Variants in NCOA1 observed in about 807,000 individuals in gnomAD.
The protein encoded by NCOA1 is Hin-2 protein.
Under a neutral mutation model 150.9 loss-of-function variants are expected in NCOA1, and 35 were observed. The observed-to-expected ratio is 0.23, with a 90% CI of 0.18 to 0.31. NCOA1 has a LOEUF of 0.31. NCOA1 is among the 10% of genes least tolerant of loss of function. The probability of loss-of-function intolerance (pLI) is 1.00; values close to 1 mark genes in which losing one functional copy is unlikely to be tolerated. For missense variants in NCOA1, 1,491 were observed against 1,749.3 expected (o/e 0.85, Z 2.63); for synonymous variants, 590 against 630.0 (o/e 0.94, Z 0.95).
chr2:24,516,995 C>CGTGTATATAT (rs1664222942), intron 1 of NCOA1, among the ~76,000 whole-genome samples: 1 of 21,050 alleles, frequency 4.8e-5, no homozygotes, highest in African/African-American at 7.8e-5. Context: ...TATATATATA[C>CGTGTATATAT]ACACGCGCGC....
intron 1 of NCOA1, among the ~76,000 whole-genome samples, chr2:24,534,574 C>G (rs541011453): frequency 6.6e-6 from 1 of 152,224 alleles, no homozygotes; most frequent in East Asian, 1.9e-4. Context: ...CCTGCTTTCT[C>G]TTGTGGGCAT....
At chr2:24,565,867 A>G (rs780026323) in intron 2 of NCOA1, among the ~76,000 whole-genome samples, 2 of 152,166 alleles carry the variant, frequency 1.3e-5, no homozygotes, top group Non-Finnish European at 2.9e-5. Flanking sequence ...GTGTATCACA[A>G]GCAGCTTCCC....
At chr2:24,577,338 A>G (rs1667032934) in intron 2 of NCOA1, among the ~76,000 whole-genome samples, 1 of 152,238 alleles carries the variant, frequency 6.6e-6, no homozygotes, top group Non-Finnish European at 1.5e-5. Flanking sequence ...CAGATTTAAT[A>G]TATTTTCATG....
At chr2:24,631,716 G>C (rs895017342) in intron 3 of NCOA1, among the ~76,000 whole-genome samples, 9 of 152,128 alleles carry the variant, frequency 5.9e-5, no homozygotes, top group Non-Finnish European at 1.2e-4. Flanking sequence ...CTTTATAAAA[G>C]TCACAATCAA....
intron 3 of NCOA1, among the ~76,000 whole-genome samples, chr2:24,633,285 T>C (rs766730070): frequency 6.6e-6 from 1 of 151,102 alleles, no homozygotes; most frequent in African/African-American, 2.4e-5. Context: ...TAAGAACATA[T>C]AGTAGAAAAG....
At chr2:24,553,831 T>C (rs1282416013) in intron 1 of NCOA1, among the ~76,000 whole-genome samples, 1 of 152,236 alleles carries the variant, frequency 6.6e-6, no homozygotes, top group Non-Finnish European at 1.5e-5. Flanking sequence ...TTCTTGTTTC[T>C]GGAAGAGTTT....
intron 2 of NCOA1, among the ~76,000 whole-genome samples, chr2:24,576,170 G>GTTTTTTTTTTTTTTTTTTTTTT (rs869093026): frequency 8.6e-5 from 4 of 46,294 alleles, no homozygotes; most frequent in Non-Finnish European, 1.4e-4. Context: ...TTTGTTTTTT[G>GTTTTTTTTTTTTTTTTTTTTTT]TTTTTTTTTT....
At chr2:24,623,579 G>C (rs1180607757) in intron 3 of NCOA1, among the ~76,000 whole-genome samples, 2 of 152,128 alleles carry the variant, frequency 1.3e-5, no homozygotes, top group East Asian at 3.8e-4. Flanking sequence ...CACACCCCTC[G>C]GAGGGTCTGT....
chr2:24,595,121 ATTATCTAAG>A (rs1244758513), intron 3 of NCOA1, among the ~76,000 whole-genome samples: 1 of 152,098 alleles, frequency 6.6e-6, no homozygotes, highest in Non-Finnish European at 1.5e-5. Flanking sequence ...GCACAGTTCA[ATTATCTAAG>A]TTAATATTTT....
At chr2:24,729,333 C>T (rs981269475) in intron 16 of NCOA1, among the ~76,000 whole-genome samples, 168 bp from the exon 17 acceptor site, 3 of 152,096 alleles carry the variant, frequency 2.0e-5, no homozygotes, top group Non-Finnish European at 4.4e-5. Flanking sequence ...TCAGCTAATC[C>T]GTTACTCCAT....
intron 2 of NCOA1, among the ~76,000 whole-genome samples, chr2:24,582,479 T>G (rs938636502): frequency 1.3e-5 from 2 of 152,148 alleles, no homozygotes; most frequent in African/African-American, 4.8e-5. Flanking sequence ...GAAACATATT[T>G]CATGTTCATG....
intron 17 of NCOA1, among the ~76,000 whole-genome samples, chr2:24,733,768 A>T (rs1558324416): frequency 6.6e-6 from 1 of 151,810 alleles, no homozygotes. Flanking sequence ...ACAAAACAAA[A>T]AACAGAAAAT....
chr2:24,618,916 G>C (rs1178263904), intron 3 of NCOA1, among the ~76,000 whole-genome samples: 1 of 152,174 alleles, frequency 6.6e-6, no homozygotes, highest in African/African-American at 2.4e-5. Context: ...TGCTTTCAGA[G>C]AGTTTGTAAT....
At chr2:24,566,305 G>A (rs761752815) in intron 2 of NCOA1, among the ~76,000 whole-genome samples, 13 of 151,616 alleles carry the variant, frequency 8.6e-5, no homozygotes, top group Non-Finnish European at 1.5e-4. Flanking sequence ...GCTCCTCTCC[G>A]CAGCTGGTCA....
chr2:24,563,877 A>G (rs1476329275), intron 1 of NCOA1, among the ~76,000 whole-genome samples: 1 of 152,196 alleles, frequency 6.6e-6, no homozygotes, highest in Non-Finnish European at 1.5e-5. Flanking sequence ...AATAATAGCC[A>G]TGATATCAGG....
chr2:24,503,699 C>CA (rs1663563188), intron 1 of NCOA1, among the ~76,000 whole-genome samples: 1 of 150,548 alleles, frequency 6.6e-6, no homozygotes, highest in Non-Finnish European at 1.5e-5. Context: ...TTTCTTCACT[C>CA]ACGTGAAATT....
chr2:24,507,852 T>C (rs944056115), intron 1 of NCOA1, among the ~76,000 whole-genome samples: 13 of 152,218 alleles, frequency 8.5e-5, no homozygotes, highest in African/African-American at 2.9e-4. Context: ...CCTCTGACTT[T>C]ATCTTATTTT....
intron 8 of NCOA1, among the ~76,000 whole-genome samples, chr2:24,685,692 A>G (rs989480831): frequency 6.6e-6 from 1 of 152,200 alleles, no homozygotes; most frequent in African/African-American, 2.4e-5. Context: ...GTTGGTAGGA[A>G]GGTTAAAGGG....
chr2:24,621,432 A>ATTTTTTTTTTTTTTTTTTTTTT (rs1162282258), intron 3 of NCOA1, among the ~76,000 whole-genome samples: 2 of 38,860 alleles, frequency 5.1e-5, no homozygotes, highest in African/African-American at 1.2e-4. Context: ...ATTCAGGCAG[A>ATTTTTTTTTTTTTTTTTTTTTT]TTTTTTTTTT....
Sources: allele counts gnomAD v4.1 joint callset (sites outside exome capture counted in the v4.1 genomes callset), GRCh38; gene constraint gnomAD v4.1.1; transcripts MANE v1.5; gene names NCBI Gene and HGNC (gene_info 2026-07-23, HGNC 2026-07-21).